The following SCG5 variants were observed in gnomAD, a reference collection of about 807,000 sequenced individuals.
The protein encoded by SCG5 is secretogranin V.
A neutral mutation model predicts 25.7 loss-of-function variants in SCG5; 18 were observed. That is an observed-to-expected ratio of 0.70 (90% CI 0.48 to 1.04). SCG5 has a LOEUF of 1.04. Ranked by LOEUF, SCG5 falls within the 50% of genes least tolerant of loss-of-function variation. The pLI, the probability that SCG5 is intolerant of heterozygous loss-of-function variation, is 0.00. For missense variants in SCG5, 206 were observed against 259.8 expected, an observed-to-expected ratio of 0.79 and a Z score of 1.42; for synonymous variants, 101 against 91.7, an observed-to-expected ratio of 1.10 and a Z score of -0.58.
chr15:32,668,818 C>A (rs2054366818), intron 2 of SCG5, among the ~76,000 whole-genome samples: 1 of 152,234 alleles, frequency 6.6e-6, no homozygotes. Flanking sequence ...CCATTCATTG[C>A]TTCTCTCTTC....
At chr15:32,665,856 T>A (rs896913849) in intron 2 of SCG5, 5 of 152,216 alleles carry the variant, frequency 3.3e-5, no homozygotes, top group Non-Finnish European at 5.9e-5. Flanking sequence ...TTTTGAATCA[T>A]GGATCTCAAA....
intron 3 of SCG5, 116 bp downstream of exon 3, chr15:32,680,031 A>T: frequency 1.0e-6 from 1 of 999,418 alleles, no homozygotes; most frequent in South Asian, 1.6e-5. Flanking sequence ...TGATGAGCCC[A>T]TGTGTATTTG....
intron 2 of SCG5, among the ~76,000 whole-genome samples, chr15:32,661,297 A>G (rs1006051179): frequency 6.6e-6 from 1 of 152,226 alleles, no homozygotes; most frequent in African/African-American, 2.4e-5. Context: ...ACTAGATGCC[A>G]GTGGCATTTC....
At position 32,691,980 on chromosome 15, in the gene SCG5, C is replaced by T. The variant is rs975532385; in HGVS notation, c.543+217C>T. The T allele has an allele frequency of 1.1e-5, 16 of 1,419,948 alleles. No individual in the cohort carries two copies. In the African/African-American group the frequency reaches 1.3e-4, roughly 12 times the overall value. 88.0% of individuals were successfully genotyped at this position (1,419,948 alleles called of 1,614,324 possible). A position where few individuals can be genotyped will look rare whatever the true frequency, so the allele number is the denominator to read the frequency against. On this transcript the variant is annotated intron_variant, in intron 5 of 5. Coordinates refer to ENST00000300175, the MANE Select transcript of SCG5 (RefSeq NM_001144757.3). ...CTTTAGCAGATGATTTTTAGTGGAA[C>T]GCGCAGTCTGTAGCAATTCTAGCAA...
At chr15:32,670,118 T>G (rs1049724492) in intron 2 of SCG5, among the ~76,000 whole-genome samples, 2 of 152,200 alleles carry the variant, frequency 1.3e-5, no homozygotes, top group African/African-American at 4.8e-5. Context: ...CCTGAGTTTT[T>G]TAGATCCTAG....
intron 2 of SCG5, among the ~76,000 whole-genome samples, chr15:32,664,945 G>A (rs527865182): frequency 2.6e-5 from 4 of 152,194 alleles, no homozygotes; most frequent in Non-Finnish European, 5.9e-5. Context: ...GGGTGCCTAT[G>A]GGAGCCCAGC....
chr15:32,643,647 T>C lies in SCG5; in HGVS notation c.55T>C (p.Ser19Pro). ...ATCTGGCCTACTGTTTTGGCTGGCA[T>C]CTGGATGGACTCCAGCATTTGCTTA... ...MLSGLLFWLA[S>P]GWTPAFAYSP... Residue 19 changes from serine (S) to proline (P), a missense_variant, in exon 2 of 6, where the codon TCT becomes CCT. Transcript: ENST00000300175. 1.2e-6 allele frequency: 2 copies of C among 1,614,012 alleles called. No homozygotes were observed. Among genetic ancestry groups the C allele is most frequent in the Non-Finnish European group, 1.7e-6 (2 of 1,179,896 alleles).
At chr15:32,669,911 C>A (rs908689674) in intron 2 of SCG5, among the ~76,000 whole-genome samples, 3 of 151,264 alleles carry the variant, frequency 2.0e-5, no homozygotes, top group Non-Finnish European at 4.4e-5. Flanking sequence ...GGAAAGCAAG[C>A]AATGCTTAAG....
chr15:32,679,750 T>A lies in SCG5; in HGVS notation c.227-16T>A, dbSNP rs1486918452. ...TTGAATTGCACTGCAATGAACTACTTCTGATTCCCTCGCAGGTGGAGCTCA... is the reference window on the plus strand; with the variant it reads ...TTGAATTGCACTGCAATGAACTACTACTGATTCCCTCGCAGGTGGAGCTCA... On this transcript the variant is annotated splice_polypyrimidine_tract_variant and intron_variant, in intron 2 of 5. Transcript: ENST00000300175. 1 of 1,613,666 alleles carries A rather than the reference T, an allele frequency of 6.2e-7. No homozygotes were observed. The highest frequency in any genetic ancestry group is 8.5e-7 in the Non-Finnish European group (1 of 1,179,710).
At chr15:32,649,539 C>T (rs1479021786) in intron 2 of SCG5, among the ~76,000 whole-genome samples, 1 of 152,208 alleles carries the variant, frequency 6.6e-6, no homozygotes, top group Admixed American at 6.5e-5. Context: ...AGAGGGCCAA[C>T]TAGACTAGAA....
intron 2 of SCG5, among the ~76,000 whole-genome samples, chr15:32,670,721 A>G (rs898775423): frequency 6.6e-6 from 1 of 152,208 alleles, no homozygotes; most frequent in African/African-American, 2.4e-5. Context: ...TTTGTCCCCT[A>G]TTATTGGAGA....
At chr15:32,672,483 G>T (rs1416134778) in intron 2 of SCG5, among the ~76,000 whole-genome samples, 1 of 152,240 alleles carries the variant, frequency 6.6e-6, no homozygotes, top group Non-Finnish European at 1.5e-5. Context: ...AGGAACCATG[G>T]TGGCGAGGCC....
At chr15:32,643,018 A>G (rs2053890907) in intron 1 of SCG5, among the ~76,000 whole-genome samples, 1 of 152,198 alleles carries the variant, frequency 6.6e-6, no homozygotes, top group South Asian at 2.1e-4. Flanking sequence ...AGCAGATTGC[A>G]GGGCTGGATC....
intron 2 of SCG5, among the ~76,000 whole-genome samples, chr15:32,655,212 G>A (rs574509117): frequency 5.3e-5 from 8 of 152,190 alleles, no homozygotes; most frequent in African/African-American, 1.9e-4. Flanking sequence ...GGAGGCTGAG[G>A]CAGGAGAATG....
chr15:32,671,605 C>A (rs990807055), intron 2 of SCG5, among the ~76,000 whole-genome samples: 2 of 151,664 alleles, frequency 1.3e-5, no homozygotes, highest in Non-Finnish European at 2.9e-5. Context: ...AGAAACCAAG[C>A]GCAGATTGTA....
chr15:32,670,475 A>T (rs1287593737), intron 2 of SCG5, among the ~76,000 whole-genome samples: 2 of 152,258 alleles, frequency 1.3e-5, no homozygotes, highest in African/African-American at 4.8e-5. Context: ...TTTGGGGGTC[A>T]CTTGTCATGT....
chr15:32,694,856 C>T (rs1036794429), intron 5 of SCG5, among the ~76,000 whole-genome samples: 11 of 152,202 alleles, frequency 7.2e-5, no homozygotes, highest in African/African-American at 2.7e-4. Context: ...GGTTTCATTC[C>T]TTCTCTTTTG....
rs892202682 is a variant in SCG5 at position 32,697,005 on chromosome 15, T to A, written c.*396T>A. ...TGTAGTTCATCCAGCCCTTGGGCAT[T>A]GTTATACACCAGTAAAGAAGGCTGT... is the stretch of plus-strand genomic sequence containing the variant. On this transcript the variant is annotated 3_prime_UTR_variant, in exon 6 of 6. Transcript: ENST00000300175. The A allele has an allele frequency of 6.1e-6, 1 of 163,084 alleles. No individual in the cohort carries two copies. The highest frequency in any genetic ancestry group is 2.4e-5 in the African/African-American group (1 of 41,774). The allele number at this position is 163,084 out of a possible 1,614,324, so 10.1% of individuals were successfully genotyped here. A position where few individuals can be genotyped will look rare whatever the true frequency, so the allele number is the denominator to read the frequency against.
chr15:32,678,017 A>G (rs1258395839), intron 2 of SCG5, among the ~76,000 whole-genome samples: 2 of 152,234 alleles, frequency 1.3e-5, no homozygotes, highest in Non-Finnish European at 2.9e-5. Context: ...AGAATTATTT[A>G]GCAAATGCTG....
Sources: allele counts gnomAD v4.1 joint callset (sites outside exome capture counted in the v4.1 genomes callset), GRCh38; gene constraint gnomAD v4.1.1; transcripts MANE v1.5; gene names NCBI Gene and HGNC (gene_info 2026-07-23, HGNC 2026-07-21).